The following BDP1 variants were observed in gnomAD, a reference collection of about 807,000 sequenced individuals.
The protein encoded by BDP1 is transcription factor TFIIIB component B'' homolog.
In BDP1, 169 loss-of-function variants were observed where a neutral mutation model predicts 266.6. The ratio of observed to expected loss-of-function variants is 0.63; its 90% CI spans 0.56 to 0.72. The LOEUF is 0.72. Ranked by LOEUF, BDP1 falls within the 30% of genes least tolerant of loss-of-function variation. The pLI, the probability that BDP1 is intolerant of heterozygous loss-of-function variation, is 0.00. For missense variants in BDP1, 3,015 were observed against 3,053.8 expected (o/e 0.99, Z 0.30); for synonymous variants, 1,090 against 1,022.4 (o/e 1.07, Z -1.26).
chr5:71,476,259 T>C (rs142029998), intron 7 of BDP1: 1 of 153,508 alleles, frequency 6.5e-6, no homozygotes, highest in African/African-American at 2.4e-5. Flanking sequence ...CATCAGGAGC[T>C]TGCCTCTTTC....
chr5:71,504,278 A>AT (rs1443252936), intron 15 of BDP1, among the ~76,000 whole-genome samples: 5 of 151,814 alleles, frequency 3.3e-5, no homozygotes, highest in African/African-American at 7.2e-5. Flanking sequence ...GTCTCAAAAA[A>AT]AAAAAAAAAG....
Position 71,491,135 on chromosome 5 carries a change from T to G in BDP1, c.1640+4T>G. On this transcript the variant is annotated splice_donor_region_variant and intron_variant, in intron 11 of 38. Coordinates refer to ENST00000358731, the MANE Select transcript of BDP1 (RefSeq NM_018429.3). ...CTGACCCCATCCTTTCATTAAGGTA[T>G]TTTCTGTGTCTTTTCTGGTTTTATC... 6.2e-7 allele frequency: 1 copy of G among 1,613,434 alleles called. No homozygotes were observed. The highest frequency in any genetic ancestry group is 1.6e-4 in the Middle Eastern group (1 of 6,062).
chr5:71,495,404 T>A lies in BDP1; in HGVS notation c.1795T>A (p.Ser599Thr), dbSNP rs772869051. 3 of 1,567,900 alleles carry A rather than the reference T, an allele frequency of 1.9e-6. No homozygotes were observed. Among genetic ancestry groups the A allele is most frequent in the South Asian group, 1.2e-5 (1 of 82,318 alleles). Reference protein sequence around the residue: ...EERNVDLKNNSLEIDQTENVK... With the variant: ...EERNVDLKNNTLEIDQTENVK... Reference sequence around the variant, plus strand: ...AAGAAATGTTGACCTAAAAAATAATTCACTGTAAGTATTTTATACGATAGG... The same window carrying A: ...AAGAAATGTTGACCTAAAAAATAATACACTGTAAGTATTTTATACGATAGG... The change falls in exon 12 of 39, where the codon TCA becomes ACA. Residue 599 changes from serine to threonine, a missense_variant. Physicochemically the swap from Ser to Thr is moderately conservative, Grantham distance 58 (BLOSUM62 1). Transcript: ENST00000358731.
intron 3 of BDP1, among the ~76,000 whole-genome samples, chr5:71,463,701 A>G (rs926273036): frequency 2.0e-5 from 3 of 151,886 alleles, no homozygotes; most frequent in Non-Finnish European, 4.4e-5. Context: ...GGTGGCATGC[A>G]CCTGTAGTCC....
intron 31 of BDP1, 143 bp downstream of exon 31, chr5:71,544,650 C>A: frequency 2.5e-6 from 2 of 802,052 alleles, no homozygotes; most frequent in Non-Finnish European, 3.9e-6. Flanking sequence ...GAGGCCAAGA[C>A]GGGAGGATCA....
chr5:71,542,590 G>A (rs1767037591), intron 30 of BDP1, among the ~76,000 whole-genome samples: 1 of 151,998 alleles, frequency 6.6e-6, no homozygotes, highest in South Asian at 2.1e-4. Flanking sequence ...TTTGTGTATA[G>A]GCTGGGTGCA....
intron 11 of BDP1, among the ~76,000 whole-genome samples, chr5:71,492,642 C>A (rs552332696): frequency 6.6e-6 from 1 of 152,106 alleles, no homozygotes; most frequent in South Asian, 2.1e-4. Context: ...GATTTTAGGA[C>A]CTTATCAGAA....
intron 26 of BDP1, among the ~76,000 whole-genome samples, chr5:71,537,088 A>G (rs993828229): frequency 2.1e-5 from 3 of 145,862 alleles, no homozygotes; most frequent in Admixed American, 1.5e-4. Context: ...AGATTGCACC[A>G]TTGCACTCCA....
intron 25 of BDP1, 86 bp downstream of exon 25, chr5:71,524,409 T>A: frequency 7.6e-7 from 1 of 1,312,462 alleles, no homozygotes; most frequent in Non-Finnish European, 1.0e-6. Context: ...TTTCTTCTCG[T>A]AGTGATTATT....
chr5:71,516,638 A>G (rs879485433), intron 21 of BDP1, among the ~76,000 whole-genome samples: 2 of 152,302 alleles, frequency 1.3e-5, no homozygotes, highest in African/African-American at 4.8e-5. Context: ...ACGTACTATA[A>G]CTTTCTGTTA....
At chr5:71,481,033 G>A (rs1762926736) in intron 7 of BDP1, among the ~76,000 whole-genome samples, 1 of 152,152 alleles carries the variant, frequency 6.6e-6, no homozygotes, top group Admixed American at 6.5e-5. Context: ...AATTAGCCAG[G>A]CGTGGTGGCG....
intron 19 of BDP1, among the ~76,000 whole-genome samples, chr5:71,513,715 TA>T (rs1177982965): frequency 4.6e-5 from 7 of 152,042 alleles, no homozygotes; most frequent in Non-Finnish European, 1.0e-4. Context: ...AATAGTTTTT[TA>T]TTTTTTTTAT....
At chr5:71,578,158 C>T in the BDP1 span, among the ~76,000 whole-genome samples, 24 of 152,266 alleles carry the variant, frequency 1.6e-4, no homozygotes, top group Admixed American at 6.5e-4. Flanking sequence ...TACTCTGGAC[C>T]GAGCAGCTGA....
At position 71,539,599 on chromosome 5, in the gene BDP1, C is replaced by G. The variant is rs1439170098; in HGVS notation, c.5972C>G (p.Thr1991Arg). Residue 1991 changes from threonine (T) to arginine (R), a missense_variant, in exon 28 of 39, where the codon ACA becomes AGA. By Grantham distance (71) the Thr-to-Arg change is moderately conservative (BLOSUM62 -1). Transcript: ENST00000358731. ...ACCGAAGCTGCAATAACTTTACTTA[C>G]AATGGGAGATCTAGTATTGCAGTCA... ...GSTEAAITLL[T>R]MGDLVLQSEI... 1 of 1,609,746 alleles carries G rather than the reference C, an allele frequency of 6.2e-7. No homozygotes were observed. The highest frequency in any genetic ancestry group is 1.1e-5 in the South Asian group (1 of 90,774).
intron 34 of BDP1, among the ~76,000 whole-genome samples, chr5:71,552,035 C>T (rs992751322): frequency 2.6e-5 from 4 of 151,210 alleles, no homozygotes; most frequent in South Asian, 2.1e-4. Context: ...GGGTGGCTGC[C>T]GGGCGGAGAC....
chr5:71,512,574 C>T (rs1482391407), intron 18 of BDP1, 146 bp downstream of exon 18: 2 of 509,364 alleles, frequency 3.9e-6, no homozygotes, highest in Non-Finnish European at 6.8e-6. Flanking sequence ...GGATTGAGGT[C>T]ACTCTGACAG....
At chr5:71,506,796 CACACA>C in intron 16 of BDP1, among the ~76,000 whole-genome samples, 1 of 119,208 alleles carries the variant, frequency 8.4e-6, no homozygotes, top group African/African-American at 2.8e-5. Context: ...AACACACACA[CACACA>C]CACACACACA....
rs752464549 is a variant in BDP1, at chr5:71,495,425, A to G, written c.1799+17A>G. ...TAATTCACTGTAAGTATTTTATACG[A>G]TAGGATTTATTTATAAAATTTTGAT... On this transcript the variant is annotated intron_variant, in intron 12 of 38. Coordinates refer to ENST00000358731, the MANE Select transcript of BDP1 (RefSeq NM_018429.3). 5.9e-6 allele frequency: 9 copies of G among 1,513,756 alleles called. No homozygotes were observed. Among genetic ancestry groups the G allele is most frequent in the Non-Finnish European group, 8.1e-6 (9 of 1,114,234 alleles). 93.8% of individuals were successfully genotyped at this position (1,513,756 alleles called of 1,614,324 possible). A position where few individuals can be genotyped will look rare whatever the true frequency, so the allele number is the denominator to read the frequency against.
At chr5:71,542,701 C>CAT (rs34551677) in intron 30 of BDP1, among the ~76,000 whole-genome samples, 61,115 of 149,444 alleles carry the variant, frequency 0.41, 12,488 homozygotes, top group South Asian at 0.45. Context: ...GAATTGAAAA[C>CAT]ATATATATAT....
Sources: allele counts gnomAD v4.1 joint callset (sites outside exome capture counted in the v4.1 genomes callset), GRCh38; gene constraint gnomAD v4.1.1; transcripts MANE v1.5; gene names NCBI Gene and HGNC (gene_info 2026-07-23, HGNC 2026-07-21).